Variants in PCSK5 observed in about 807,000 individuals in gnomAD.
PCSK5 encodes prohormone convertase 5.
A neutral mutation model predicts 233.2 loss-of-function variants in PCSK5; 129 were observed. The ratio of observed to expected loss-of-function variants is 0.55; its 90% CI spans 0.48 to 0.64. The LOEUF (loss-of-function observed/expected upper bound fraction) is 0.64, where lower values mean the gene tolerates loss of function less well. PCSK5 is among the 30% of genes least tolerant of loss of function. The pLI, the probability that PCSK5 is intolerant of heterozygous loss-of-function variation, is 0.00. For missense variants in PCSK5, 2,076 were observed against 2,430.1 expected, an observed-to-expected ratio of 0.85 and a Z score of 3.06; for synonymous variants, 825 against 879.2, an observed-to-expected ratio of 0.94 and a Z score of 1.09.
At chr9:76,310,247 C>CA (rs766099144) in intron 29 of PCSK5, among the ~76,000 whole-genome samples, 17,496 of 110,290 alleles carry the variant, frequency 0.16, 1,140 homozygotes, top group African/African-American at 0.19. Context: ...GACTCCTTCT[C>CA]AAAAAAAAAA....
intron 24 of PCSK5, among the ~76,000 whole-genome samples, chr9:76,250,162 C>T (rs770078275): frequency 4.6e-5 from 7 of 152,004 alleles, no homozygotes; most frequent in Non-Finnish European, 2.9e-5. Flanking sequence ...ATTAGCTGGG[C>T]GTGGTGGTGC....
chr9:76,222,333 A>T (rs569037142), intron 20 of PCSK5, among the ~76,000 whole-genome samples: 29 of 151,110 alleles, frequency 1.9e-4, no homozygotes, highest in East Asian at 1.2e-3. Context: ...TATTTTTTTA[A>T]AAAAATATTG....
At position 76,302,194 on chromosome 9, in the gene PCSK5, G is replaced by A. The variant is rs377481863; in HGVS notation, c.3581G>A (p.Arg1194Lys). 5.2e-6 allele frequency: 7 copies of A among 1,355,270 alleles called. No individual in the cohort carries two copies. Among genetic ancestry groups the A allele is most frequent in the Non-Finnish European group, 9.8e-7 (1 of 1,016,412 alleles). The allele number at this position is 1,355,270 out of a possible 1,614,324, so 84.0% of individuals were successfully genotyped here. The change falls in exon 28 of 38, where the codon AGG (arginine) becomes AAG (lysine). Residue 1194 changes from arginine to lysine, a missense_variant. Physicochemically the swap from Arg to Lys is conservative, Grantham distance 26. Coordinates refer to ENST00000674117, the MANE Select transcript of PCSK5 (RefSeq NM_001372043.1). ...AAGAGCCTGCTGCAGGAGCGACGAAGGTGGAAAGTTCAAATCAAAAGAGGT... is the reference window on the plus strand; with the variant it reads ...AAGAGCCTGCTGCAGGAGCGACGAAAGTGGAAAGTTCAAATCAAAAGAGGT... The part of the protein sequence containing the change: ...VVKSLLQERR[R>K]WKVQIKRDIL...
intron 30 of PCSK5, among the ~76,000 whole-genome samples, chr9:76,316,544 T>C (rs990369509): frequency 7.4e-5 from 11 of 149,194 alleles, no homozygotes; most frequent in Non-Finnish European, 1.5e-4. Flanking sequence ...GGTAACATAG[T>C]AAGACCCCCA....
rs557490633 is a variant in PCSK5 at position 76,279,684 on chromosome 9, CAT to C, written c.3143-12548_3143-12547del. ...GCCAGTGATGATGAGCATTTTTTCACATGTTTTTTGGCTGCATAAATGTCTTC... is the reference window on the plus strand; with the variant it reads ...GCCAGTGATGATGAGCATTTTTTCACGTTTTTTGGCTGCATAAATGTCTTC... On this transcript the variant is annotated intron_variant, in intron 24 of 37. Transcript: ENST00000674117. Among the ~76,000 whole-genome samples, 279 of 151,458 alleles carry C rather than the reference CAT, an allele frequency of 1.8e-3. 1 individual carries two copies. Among genetic ancestry groups the C allele is most frequent in the Admixed American group, 0.017 (262 of 15,114 alleles).
In PCSK5 at chr9:76,026,991, A is replaced by C. The variant is rs762647093; in HGVS notation, c.586A>C (p.Asn196His). 1.2e-6 allele frequency: 2 copies of C among 1,609,314 alleles called. No homozygotes were observed. Among genetic ancestry groups the C allele is most frequent in the South Asian group, 2.2e-5 (2 of 90,168 alleles). ...TCTGGCAAGTTGCGACGTGAATGGG[A>C]ATGACTTGGACCCAATGCCTCGTTA... ...DALASCDVNG[N>H]DLDPMPRYDA... Residue 196 changes from asparagine (N) to histidine (H), a missense_variant, in exon 5 of 38, where the codon AAT (asparagine) becomes CAT (histidine). This residue lies in a region of PCSK5 where 178 missense variants were observed against 393.6 expected (regional missense o/e 0.45). Coordinates refer to ENST00000674117, the MANE Select transcript of PCSK5 (RefSeq NM_001372043.1).
intron 24 of PCSK5, among the ~76,000 whole-genome samples, chr9:76,266,319 C>G (rs1472968283): frequency 6.6e-6 from 1 of 152,060 alleles, no homozygotes; most frequent in African/African-American, 2.4e-5. Flanking sequence ...AGTAAACAGT[C>G]CATTGTAAAA....
intron 24 of PCSK5, among the ~76,000 whole-genome samples, chr9:76,244,900 G>T (rs926923852): frequency 6.6e-6 from 1 of 152,060 alleles, no homozygotes; most frequent in Non-Finnish European, 1.5e-5. Flanking sequence ...ATACTATTCT[G>T]CTCCAAGAAT....
intron 20 of PCSK5, among the ~76,000 whole-genome samples, chr9:76,216,175 T>C (rs923974918): frequency 6.6e-6 from 1 of 152,122 alleles, no homozygotes; most frequent in Non-Finnish European, 1.5e-5. Context: ...AGAAGGCAAG[T>C]TCTCAGGTCC....
At chr9:76,171,798 A>G (rs1327316223) in intron 13 of PCSK5, among the ~76,000 whole-genome samples, 1 of 152,196 alleles carries the variant, frequency 6.6e-6, no homozygotes, top group East Asian at 1.9e-4. Flanking sequence ...CAGACGAGAG[A>G]TACCCTAATG....
At chr9:76,062,414 T>C (rs1466367383) in intron 5 of PCSK5, among the ~76,000 whole-genome samples, 1 of 152,052 alleles carries the variant, frequency 6.6e-6, no homozygotes, top group Non-Finnish European at 1.5e-5. Flanking sequence ...GAAATAGAAA[T>C]AGCTAATAAA....
At chr9:76,283,350 A>G (rs201431005) in intron 24 of PCSK5, among the ~76,000 whole-genome samples, 1 of 152,114 alleles carries the variant, frequency 6.6e-6, no homozygotes, top group African/African-American at 2.4e-5. Context: ...AGCCACCCCA[A>G]CCTTCAGAAA....
rs998835615 is a variant in PCSK5, at chr9:76,231,958, C to T, written c.2730-1502C>T. Among the ~76,000 whole-genome samples the T allele has an allele frequency of 5.3e-5, 8 of 150,332 alleles. No homozygotes were observed. The South Asian group carries it at 6.4e-4, about 12-fold the overall frequency. ...GAGGTGGACTTCTCTCTTAGGTTGT[C>T]GGCTTGAATCCCATTCTGCCTCCAA... On this transcript the variant is annotated intron_variant, in intron 21 of 37. Coordinates refer to ENST00000674117, the MANE Select transcript of PCSK5 (RefSeq NM_001372043.1).
At chr9:76,067,045 T>G (rs1287239219) in intron 5 of PCSK5, among the ~76,000 whole-genome samples, 1 of 152,198 alleles carries the variant, frequency 6.6e-6, no homozygotes, top group African/African-American at 2.4e-5. Context: ...AGGTCAGTCT[T>G]GGTGTTCTTT....
At chr9:76,162,618 G>A (rs1030243186) in intron 12 of PCSK5, among the ~76,000 whole-genome samples, 10 of 152,156 alleles carry the variant, frequency 6.6e-5, no homozygotes, top group African/African-American at 2.4e-4. Flanking sequence ...TATTTCCCCT[G>A]CCAGACCCTT....
At chr9:76,195,883 CTGTT>C (rs1235290941) in intron 20 of PCSK5, 1 of 152,066 alleles carries the variant, frequency 6.6e-6, no homozygotes, top group Non-Finnish European at 1.5e-5. Flanking sequence ...ACCTAAGTTC[CTGTT>C]TATTTGATCT....
chr9:76,292,830 C>T (rs1171995813), intron 25 of PCSK5, among the ~76,000 whole-genome samples: 2 of 152,172 alleles, frequency 1.3e-5, no homozygotes, highest in African/African-American at 2.4e-5. Flanking sequence ...CCTTCCAGCA[C>T]ACACTGTTGA....
At chr9:75,914,573 A>G (rs1822899311) in intron 1 of PCSK5, among the ~76,000 whole-genome samples, 1 of 152,118 alleles carries the variant, frequency 6.6e-6, no homozygotes, top group Non-Finnish European at 1.5e-5. Flanking sequence ...GTAAAAATGA[A>G]AAAACGAAGT....
Position 76,358,746 on chromosome 9 carries a change from G to C in PCSK5, c.5488G>C (p.Glu1830Gln), listed in dbSNP as rs773274044. 2 of 1,612,806 alleles carry C rather than the reference G, an allele frequency of 1.2e-6. No homozygotes were observed. The highest frequency in any genetic ancestry group is 2.7e-5 in the African/African-American group (2 of 74,930). The change falls in exon 38 of 38, where the codon GAA becomes CAA. Residue 1830 changes from glutamate (E) to glutamine (Q), a missense_variant. By Grantham distance (29) the Glu-to-Gln change is conservative. Around this residue, in one of 6 missense-constraint regions of PCSK5, gnomAD observed 1,510 missense variants for 1,538.1 expected, o/e 0.98. Transcript: ENST00000674117. ...KSSYRESTSF[E>Q]EDQVIEYRDR... ...CAGCTATAGAGAGAGCACCAGCTTT[G>C]AAGAGGATCAGGTGATTGAGTACAG...
Sources: allele counts gnomAD v4.1 joint callset (sites outside exome capture counted in the v4.1 genomes callset), GRCh38; gene constraint gnomAD v4.1.1; regional missense constraint gnomAD v4.1.1; transcripts MANE v1.5; gene names NCBI Gene and HGNC (gene_info 2026-07-23, HGNC 2026-07-21).